Variants in ATXN10 observed in about 807,000 individuals in gnomAD.
ATXN10 encodes ataxin-10.
A neutral mutation model predicts 52.9 loss-of-function variants in ATXN10; 28 were observed. The ratio of observed to expected loss-of-function variants is 0.53; its 90% CI spans 0.39 to 0.73. The LOEUF is 0.73. ATXN10 is among the 30% of genes least tolerant of loss of function. The pLI is 0.00. For synonymous variants in ATXN10, 226 were observed against 221.5 expected, an observed-to-expected ratio of 1.02 and a Z score of -0.18; for missense variants, 565 against 577.0, an observed-to-expected ratio of 0.98 and a Z score of 0.21.
intron 10 of ATXN10, among the ~76,000 whole-genome samples, chr22:45,810,100 C>T (rs536195465): frequency 3.3e-5 from 5 of 152,044 alleles, no homozygotes; most frequent in Non-Finnish European, 7.4e-5. Context: ...CTTTGGTGTA[C>T]GGAGTGTGTT....
chr22:45,731,207 G>T (rs979424929), intron 7 of ATXN10, among the ~76,000 whole-genome samples: 1 of 152,214 alleles, frequency 6.6e-6, no homozygotes, highest in Non-Finnish European at 1.5e-5. Context: ...AATCTCAGAA[G>T]TGCTGAGGGA....
intron 1 of ATXN10, among the ~76,000 whole-genome samples, chr22:45,685,615 CAA>C (rs1923106557): frequency 6.6e-6 from 1 of 152,156 alleles, no homozygotes; most frequent in Non-Finnish European, 1.5e-5. Flanking sequence ...ATTTTGCAGA[CAA>C]GAGTATACTA....
chr22:45,707,340 G>A (rs1924081815), intron 5 of ATXN10, among the ~76,000 whole-genome samples: 1 of 151,926 alleles, frequency 6.6e-6, no homozygotes, highest in South Asian at 2.1e-4. Flanking sequence ...ACCTAATTTT[G>A]AAATTATTTC....
intron 1 of ATXN10, chr22:45,676,779 C>G (rs1922711795): frequency 6.6e-6 from 1 of 152,132 alleles, no homozygotes; most frequent in Non-Finnish European, 1.5e-5. Context: ...GTGCCCTGCC[C>G]TTTATTACTA....
intron 9 of ATXN10, among the ~76,000 whole-genome samples, chr22:45,791,945 T>A (rs1927527111): frequency 6.6e-6 from 1 of 152,196 alleles, no homozygotes; most frequent in African/African-American, 2.4e-5. Context: ...CATTTTAGTA[T>A]CTTTAAAAAT....
rs1927323171 is a variant in ATXN10 at position 45,786,366 on chromosome 22, A to C, written c.1174-20593A>C. Among the ~76,000 whole-genome samples, 1 of 151,982 alleles carries C rather than the reference A, an allele frequency of 6.6e-6. No homozygotes were observed. Among genetic ancestry groups the C allele is most frequent in the East Asian group, 1.9e-4 (1 of 5,196 alleles). ...TCTCTCTGGATTCCTTTCTTTTTGG[A>C]GGTGTCATGGGGAGCAGGGTTAGTT... On this transcript the variant is annotated intron_variant, in intron 9 of 11. Coordinates refer to ENST00000252934, the MANE Select transcript of ATXN10 (RefSeq NM_013236.4). This position sits in a 1 kb window ranked among gnomAD's most constrained non-coding sequence, Gnocchi z 4.1.
In ATXN10 at chr22:45,783,309, G is replaced by A. The variant is rs963417960; in HGVS notation, c.1174-23650G>A. On this transcript the variant is annotated intron_variant, in intron 9 of 11. Coordinates refer to ENST00000252934, the MANE Select transcript of ATXN10 (RefSeq NM_013236.4). This position sits in a 1 kb window ranked among gnomAD's most constrained non-coding sequence, Gnocchi z 5.0. ...ATTTTCTCATGCTCCTCAGCATGGT[G>A]CACAACTTAAAAAACAGGAATTGTT... Among the ~76,000 whole-genome samples, 2 of 152,176 alleles carry A rather than the reference G, an allele frequency of 1.3e-5. No individual in the cohort carries two copies. Among genetic ancestry groups the A allele is most frequent in the African/African-American group, 4.8e-5 (2 of 41,436 alleles).
chr22:45,760,945 G>C (rs4823322), intron 9 of ATXN10, among the ~76,000 whole-genome samples: 54,494 of 151,860 alleles, frequency 0.36, 10,265 homozygotes, highest in Middle Eastern at 0.48. Context: ...TTGGAGGGTG[G>C]TGATAAGCCT....
At position 45,780,868 on chromosome 22, in the gene ATXN10, A is replaced by G. The variant is rs143239494; in HGVS notation, c.1174-26091A>G. 4.6e-3 allele frequency among the ~76,000 whole-genome samples: 693 copies of G among 152,284 alleles called. 6 individuals carry two copies. The highest frequency in any genetic ancestry group is 9.1e-3 in the South Asian group (44 of 4,818). ...TACATCCAGAACCCTGTCATCATAT[A>G]TGAAACAATCATGGAAACACGTGAC... On this transcript the variant is annotated intron_variant, in intron 9 of 11. Coordinates refer to ENST00000252934, the MANE Select transcript of ATXN10 (RefSeq NM_013236.4). The surrounding 1 kb of genome is among the most constrained non-coding windows in gnomAD (Gnocchi z 4.0).
At chr22:45,734,559 G>A (rs1328378569) in intron 7 of ATXN10, 1 of 146,384 alleles carries the variant, frequency 6.8e-6, no homozygotes, top group African/African-American at 2.6e-5. Context: ...ACAACTGACA[G>A]CCAAGAAGAT....
intron 5 of ATXN10, among the ~76,000 whole-genome samples, chr22:45,716,342 T>G (rs903887170): frequency 6.6e-6 from 1 of 151,140 alleles, no homozygotes; most frequent in African/African-American, 2.4e-5. Context: ...TTTTTTTTTT[T>G]TGGAGATAGA....
At chr22:45,817,822 T>G (rs1435046559) in intron 10 of ATXN10, among the ~76,000 whole-genome samples, 2 of 152,046 alleles carry the variant, frequency 1.3e-5, no homozygotes, top group South Asian at 2.1e-4. Flanking sequence ...GAATTGGTGA[T>G]GCTCCCAGCC....
rs1297978726 is a variant in ATXN10, at chr22:45,671,959, C to G, written c.-105C>G. 7.7e-7 allele frequency: 1 copy of G among 1,299,964 alleles called. No individual in the cohort carries two copies. The highest frequency in any genetic ancestry group is 2.1e-5 in the Admixed American group (1 of 47,402). 80.5% of individuals were successfully genotyped at this position (1,299,964 alleles called of 1,614,324 possible). A position where few individuals can be genotyped will look rare whatever the true frequency, so the allele number is the denominator to read the frequency against. ...TTAGGGCTGTGTAGGGCGAGGCCTC[C>G]CCCTTCCTCCTCGCCATCCTACTCC... On this transcript the variant is annotated 5_prime_UTR_variant, in exon 1 of 12. Coordinates refer to ENST00000252934, the MANE Select transcript of ATXN10 (RefSeq NM_013236.4).
chr22:45,689,219 G>C (rs1180994096), intron 1 of ATXN10, among the ~76,000 whole-genome samples: 1 of 152,154 alleles, frequency 6.6e-6, no homozygotes, highest in Non-Finnish European at 1.5e-5. Context: ...GCTACATATT[G>C]GGTGACAGAG....
At position 45,825,372 on chromosome 22, in the gene ATXN10, A is replaced by G. The variant is rs185200676; in HGVS notation, c.1238-17619A>G. Reference sequence around the variant, plus strand: ...GGAACCAGGCATTAAATACTAGGACATTGAAAAATAACTGTATATACAGGG... The same window carrying G: ...GGAACCAGGCATTAAATACTAGGACGTTGAAAAATAACTGTATATACAGGG... On this transcript the variant is annotated intron_variant, in intron 10 of 11. Coordinates refer to ENST00000252934, the MANE Select transcript of ATXN10 (RefSeq NM_013236.4). This position sits in a 1 kb window ranked among gnomAD's most constrained non-coding sequence, Gnocchi z 4.5. Among the ~76,000 whole-genome samples the G allele has an allele frequency of 6.6e-6, 1 of 152,300 alleles. No homozygotes were observed. Among genetic ancestry groups the G allele is most frequent in the African/African-American group, 2.4e-5 (1 of 41,552 alleles).
intron 10 of ATXN10, among the ~76,000 whole-genome samples, chr22:45,808,399 G>A (rs865967313): frequency 2.0e-5 from 3 of 152,154 alleles, no homozygotes; most frequent in South Asian, 2.1e-4. Context: ...TGTTCATTGC[G>A]TCTTTGGCTT....
At chr22:45,747,169 T>G (rs920208390) in intron 9 of ATXN10, among the ~76,000 whole-genome samples, 2 of 152,172 alleles carry the variant, frequency 1.3e-5, no homozygotes, top group East Asian at 3.9e-4. Flanking sequence ...GGAACCTAAC[T>G]CTGCCTGTCT....
At chr22:45,793,828 G>T in intron 9 of ATXN10, 1 of 1,302,930 alleles carries the variant, frequency 7.7e-7, no homozygotes, top group Non-Finnish European at 9.8e-7. Context: ...GGCTTTGCCC[G>T]GGAAATAATT....
intron 9 of ATXN10, among the ~76,000 whole-genome samples, chr22:45,767,750 CAG>C (rs1050859922): frequency 1.3e-5 from 2 of 152,038 alleles, no homozygotes; most frequent in African/African-American, 4.8e-5. Flanking sequence ...GTATATCTCA[CAG>C]AGAGGATATT....
Sources: gnomAD v4.1 joint callset for allele counts (sites outside exome capture counted in the v4.1 genomes callset) on GRCh38, gnomAD v4.1.1 for gene constraint, Gnocchi (gnomAD v3.1) non-coding constraint, MANE v1.5 for transcripts, NCBI Gene and HGNC (gene_info 2026-07-23, HGNC 2026-07-21) for gene names.